The following HDAC9 variants were observed in gnomAD, a reference collection of about 807,000 sequenced individuals.
HDAC9 encodes the protein histone deacetylase 9.
Under a neutral mutation model 139.4 loss-of-function variants are expected in HDAC9, and 41 were observed. The observed-to-expected ratio is 0.29, with a 90% CI of 0.23 to 0.38. The LOEUF is 0.38. Among genes scored for constraint, HDAC9 ranks in the 10% least tolerant of loss-of-function variants. HDAC9 has a pLI of 1.00. For missense variants in HDAC9, 1,147 were observed against 1,297.0 expected, an observed-to-expected ratio of 0.88 and a Z score of 1.78; for synonymous variants, 517 against 476.2, an observed-to-expected ratio of 1.09 and a Z score of -1.12.
chr7:18,755,818 T>C (rs1272422666), intron 14 of HDAC9, among the ~76,000 whole-genome samples: 2 of 152,136 alleles, frequency 1.3e-5, no homozygotes, highest in Non-Finnish European at 2.9e-5. Flanking sequence ...TAAAATACTT[T>C]AAAATAAGTC....
intron 22 of HDAC9, among the ~76,000 whole-genome samples, chr7:18,894,907 T>G (rs1172604578): frequency 1.3e-5 from 2 of 152,066 alleles, no homozygotes; most frequent in African/African-American, 4.8e-5. Flanking sequence ...GCAGAGTATG[T>G]GGGTCCAGAT....
At chr7:18,880,469 G>A (rs1388216132) in intron 22 of HDAC9, among the ~76,000 whole-genome samples, 1 of 152,074 alleles carries the variant, frequency 6.6e-6, no homozygotes. Context: ...ATACTATGCA[G>A]CCATAAAAAA....
intron 1 of HDAC9, among the ~76,000 whole-genome samples, chr7:18,432,548 A>G (rs1790775454): frequency 6.6e-6 from 1 of 152,220 alleles, no homozygotes; most frequent in Non-Finnish European, 1.5e-5. Context: ...TTGTTAAAGC[A>G]TTCTCATGCA....
chr7:18,229,718 C>T (rs891229082), intron 2 of HDAC9, among the ~76,000 whole-genome samples: 2 of 152,138 alleles, frequency 1.3e-5, no homozygotes, highest in Non-Finnish European at 2.9e-5. Flanking sequence ...GGATATTTTA[C>T]TTATTCCTGA....
intron 2 of HDAC9, among the ~76,000 whole-genome samples, chr7:18,571,895 A>C (rs1469197401): frequency 6.6e-6 from 1 of 152,138 alleles, no homozygotes; most frequent in Non-Finnish European, 1.5e-5. Flanking sequence ...TGAGGCTTTC[A>C]GAAAATATTC....
At chr7:18,469,315 C>A (rs1383338415) in intron 1 of HDAC9, among the ~76,000 whole-genome samples, 1 of 152,038 alleles carries the variant, frequency 6.6e-6, no homozygotes, top group Non-Finnish European at 1.5e-5. Context: ...TTTTCATGGT[C>A]AAATATGGGA....
chr7:18,610,121 A>G (rs1024504542), intron 6 of HDAC9, among the ~76,000 whole-genome samples: 1 of 152,156 alleles, frequency 6.6e-6, no homozygotes, highest in Non-Finnish European at 1.5e-5. Context: ...TTGCGGCACT[A>G]TTCACAATAG....
chr7:18,328,802 A>G (rs1387505274), intron 1 of HDAC9, among the ~76,000 whole-genome samples: 1 of 151,912 alleles, frequency 6.6e-6, no homozygotes, highest in Admixed American at 6.6e-5. Flanking sequence ...CTCTGGTATC[A>G]TGGTAATGAT....
At chr7:18,955,763 G>T (rs1783104163) in intron 24 of HDAC9, among the ~76,000 whole-genome samples, 1 of 152,084 alleles carries the variant, frequency 6.6e-6, no homozygotes, top group African/African-American at 2.4e-5. Context: ...CCTTTCAACT[G>T]GGGGTGAGAG....
intron 25 of HDAC9, among the ~76,000 whole-genome samples, chr7:18,977,076 T>C (rs1784594391): frequency 6.6e-6 from 1 of 152,216 alleles, no homozygotes; most frequent in African/African-American, 2.4e-5. Flanking sequence ...AATTATTTTC[T>C]CTTACCATAA....
chr7:18,342,310 C>T (rs967294619), intron 1 of HDAC9, among the ~76,000 whole-genome samples: 2 of 151,786 alleles, frequency 1.3e-5, no homozygotes, highest in Non-Finnish European at 2.9e-5. Flanking sequence ...GCTCACTGCC[C>T]CATCACTGGA....
At chr7:18,271,166 T>G (rs1208153806) in intron 2 of HDAC9, among the ~76,000 whole-genome samples, 2 of 152,196 alleles carry the variant, frequency 1.3e-5, no homozygotes, top group Non-Finnish European at 2.9e-5. Flanking sequence ...TGCTTTCTTG[T>G]AGAACGTGTA....
chr7:18,591,292 A>G (rs532453378), intron 4 of HDAC9, among the ~76,000 whole-genome samples: 2 of 152,270 alleles, frequency 1.3e-5, no homozygotes, highest in East Asian at 3.9e-4. Flanking sequence ...AAAATTTGCA[A>G]TTTAAGTAGT....
chr7:18,496,616 G>T (rs575819989), intron 2 of HDAC9: 14 of 385,044 alleles, frequency 3.6e-5, no homozygotes, highest in Admixed American at 2.1e-4. Flanking sequence ...CCTTTACTAT[G>T]CAACTAGAAA....
intron 2 of HDAC9, among the ~76,000 whole-genome samples, chr7:18,514,044 A>C (rs1433098621): frequency 2.0e-5 from 3 of 152,222 alleles, no homozygotes; most frequent in Non-Finnish European, 1.5e-5. Flanking sequence ...GGTCTGTTAT[A>C]GACCTGTTTA....
intron 21 of HDAC9, among the ~76,000 whole-genome samples, chr7:18,846,717 T>A (rs1796931279): frequency 6.6e-6 from 1 of 152,138 alleles, no homozygotes; most frequent in African/African-American, 2.4e-5. Context: ...GAAAAATTAT[T>A]TACAAAAGCT....
At chr7:18,276,678 T>C (rs1796746208) in intron 2 of HDAC9, among the ~76,000 whole-genome samples, 1 of 152,172 alleles carries the variant, frequency 6.6e-6, no homozygotes, top group Non-Finnish European at 1.5e-5. Context: ...TTTACTTCCA[T>C]AGACAGTGAG....
intron 16 of HDAC9, among the ~76,000 whole-genome samples, chr7:18,771,618 A>G (rs1392455371): frequency 2.6e-5 from 4 of 151,822 alleles, no homozygotes; most frequent in Admixed American, 6.6e-5. Context: ...AGAAAAATCT[A>G]TTTTACACCA....
At chr7:18,445,745 GAATCAAAAACCT>G (rs1262754440) in intron 1 of HDAC9, among the ~76,000 whole-genome samples, 1 of 152,190 alleles carries the variant, frequency 6.6e-6, no homozygotes. Flanking sequence ...CAGCTTGCCT[GAATCAAAAACCT>G]CCTTTTATGC....
Sources: gnomAD v4.1 joint callset for allele counts (sites outside exome capture counted in the v4.1 genomes callset) on GRCh38, gnomAD v4.1.1 for gene constraint, MANE v1.5 for transcripts, NCBI Gene and HGNC (gene_info 2026-07-23, HGNC 2026-07-21) for gene names.